The following DPH6 variants were observed in gnomAD, a reference collection of about 807,000 sequenced individuals.
DPH6 encodes the protein diphthine--ammonia ligase.
Under a neutral mutation model 38.2 loss-of-function variants are expected in DPH6, and 33 were observed. That is an observed-to-expected ratio of 0.86 (90% CI 0.65 to 1.15). DPH6 has a LOEUF of 1.15. Among genes scored for constraint, DPH6 ranks in the 50% most tolerant of loss-of-function variants. The probability of loss-of-function intolerance (pLI) is 0.00; values close to 1 mark genes in which losing one functional copy is unlikely to be tolerated. For missense variants in DPH6, 325 were observed against 320.0 expected, an observed-to-expected ratio of 1.02 and a Z score of -0.12; for synonymous variants, 108 against 103.0, an observed-to-expected ratio of 1.05 and a Z score of -0.30.
At chr15:35,490,854 A>C (rs1046262113) in intron 3 of DPH6, among the ~76,000 whole-genome samples, 3 of 152,078 alleles carry the variant, frequency 2.0e-5, no homozygotes, top group African/African-American at 4.8e-5. Context: ...AAAGAACAGA[A>C]GTTTATTCAG....
chr15:35,374,679 G>T (rs113000658), intron 7 of DPH6, among the ~76,000 whole-genome samples: 9 of 152,004 alleles, frequency 5.9e-5, no homozygotes, highest in African/African-American at 2.2e-4. Flanking sequence ...CATTAAAAAG[G>T]CTTCCATGAC....
At chr15:35,504,462 C>T (rs2141203132) in intron 3 of DPH6, among the ~76,000 whole-genome samples, 1 of 151,836 alleles carries the variant, frequency 6.6e-6, no homozygotes, top group Admixed American at 6.6e-5. Context: ...ATCTCTTTCT[C>T]TTCTTCTGTA....
At chr15:35,500,979 G>C (rs2054619181) in intron 3 of DPH6, among the ~76,000 whole-genome samples, 1 of 152,064 alleles carries the variant, frequency 6.6e-6, no homozygotes, top group Non-Finnish European at 1.5e-5. Context: ...GACCTCAGAT[G>C]ATCTACCCAC....
chr15:35,284,836 A>C (rs2051929858), intron 3 of DPH6, among the ~76,000 whole-genome samples: 1 of 115,898 alleles, frequency 8.6e-6, no homozygotes, highest in Admixed American at 1.2e-4. Flanking sequence ...TTTTTGAGAC[A>C]AGGCTTCATT....
Position 35,542,439 on chromosome 15 carries a change from G to A in DPH6, c.92C>T (p.Ala31Val). 1 of 1,574,246 alleles carries A rather than the reference G, an allele frequency of 6.4e-7. No individual in the cohort carries two copies. Residue 31 changes from alanine (A) to valine (V), a missense_variant, in exon 2 of 9, where the codon GCA (alanine) becomes GTA (valine). Physicochemically the swap from Ala to Val is moderately conservative, Grantham distance 64. Coordinates refer to ENST00000256538, the MANE Select transcript of DPH6 (RefSeq NM_080650.4). ...IAAGHQIVAL[A>V]NLRPAENQVG... Reference sequence around the variant, plus strand: ...TTGGTTTTCAGCTGGTCTTAGATTTGCTAAAGCAACGATCTGATGCCCAGC... The same window carrying A: ...TTGGTTTTCAGCTGGTCTTAGATTTACTAAAGCAACGATCTGATGCCCAGC...
chr15:35,186,163 T>C, the DPH6 span, among the ~76,000 whole-genome samples: 1 of 152,192 alleles, frequency 6.6e-6, no homozygotes, highest in African/African-American at 2.4e-5. Flanking sequence ...TACTATAACA[T>C]ATTTTAGGAG....
intron 2 of DPH6, among the ~76,000 whole-genome samples, chr15:35,542,091 G>GT: frequency 6.6e-6 from 1 of 152,074 alleles, no homozygotes; most frequent in Admixed American, 6.6e-5. Flanking sequence ...ATGTGGTGGG[G>GT]TAAAATGGTA....
chr15:35,540,239 C>G (rs1249226400), intron 2 of DPH6, among the ~76,000 whole-genome samples: 1 of 151,998 alleles, frequency 6.6e-6, no homozygotes, highest in Non-Finnish European at 1.5e-5. Flanking sequence ...CAAATAAAAC[C>G]AAAGGCTCCC....
rs548864083 is a variant in DPH6, at chr15:35,239,904, G to A, written n.201-19322C>T. Among the ~76,000 whole-genome samples, 103 of 130,270 alleles carry A rather than the reference G, an allele frequency of 7.9e-4. 15 individuals are homozygous for A. The highest frequency in any genetic ancestry group is 1.6e-3 in the African/African-American group (57 of 35,298). 85.5% of individuals were successfully genotyped at this position (130,270 alleles called of 152,430 possible). On this transcript the variant is annotated intron_variant and non_coding_transcript_variant, in intron 3 of 3. Coordinates refer to the DPH6 transcript ENST00000560386. ...CTGTGCCCCAATCCCTTATTTCCGC[G>A]CCCTAACCTCTTATCTCTGTGCCCC... is the stretch of plus-strand genomic sequence containing the variant.
rs1280764788 is a variant in DPH6 at position 35,240,161 on chromosome 15, G to A, written n.201-19579C>T. Among the ~76,000 whole-genome samples the A allele has an allele frequency of 3.4e-4, 48 of 141,966 alleles. 7 individuals carry two copies. The highest frequency in any genetic ancestry group is 7.1e-3 in the Middle Eastern group (2 of 282). 93.1% of individuals were successfully genotyped at this position (141,966 alleles called of 152,430 possible). On this transcript the variant is annotated intron_variant and non_coding_transcript_variant, in intron 3 of 3. Coordinates refer to the DPH6 transcript ENST00000560386. ...ATGCCTTATTTTCTTCTGCAATGCCGCTTGACCCCAATACAAACTCAACAG... is the reference window on the plus strand; with the variant it reads ...ATGCCTTATTTTCTTCTGCAATGCCACTTGACCCCAATACAAACTCAACAG...
chr15:35,431,969 C>T lies in DPH6; in HGVS notation c.505+18716G>A, dbSNP rs182479926. ...CACCCAGCTAATTTCACTTGGCAAA[C>T]TTTTGACAAATACCAATCAATACTT... On this transcript the variant is annotated intron_variant, in intron 5 of 8. Transcript: ENST00000256538. Among the ~76,000 whole-genome samples, 192 of 152,188 alleles carry T rather than the reference C, an allele frequency of 1.3e-3. 2 individuals are homozygous for T. Among genetic ancestry groups the T allele is most frequent in the African/African-American group, 4.4e-3 (184 of 41,542 alleles).
intron 3 of DPH6, among the ~76,000 whole-genome samples, chr15:35,228,858 T>A (rs1266813676): frequency 6.6e-6 from 1 of 152,178 alleles, no homozygotes; most frequent in Non-Finnish European, 1.5e-5. Flanking sequence ...TTTTAGCACT[T>A]TAAATATGTC....
the DPH6 span, among the ~76,000 whole-genome samples, chr15:35,173,480 C>G: frequency 2.6e-5 from 4 of 151,920 alleles, no homozygotes; most frequent in African/African-American, 9.7e-5. Flanking sequence ...CTGGTCTCCT[C>G]AACTCCAACC....
chr15:35,277,886 C>T (rs1425562389), intron 3 of DPH6, among the ~76,000 whole-genome samples: 1 of 152,122 alleles, frequency 6.6e-6, no homozygotes, highest in Non-Finnish European at 1.5e-5. Flanking sequence ...GGCCTGGCTG[C>T]TTCTAAGAGC....
intron 3 of DPH6, among the ~76,000 whole-genome samples, chr15:35,456,206 T>C (rs982728481): frequency 6.6e-6 from 1 of 152,082 alleles, no homozygotes; most frequent in African/African-American, 2.4e-5. Context: ...AAAGTCTTTG[T>C]ATTCATTAGA....
At chr15:35,327,449 C>A (rs890761612), downstream of DPH6, among the ~76,000 whole-genome samples, 2 of 151,432 alleles carry the variant, frequency 1.3e-5, no homozygotes, top group African/African-American at 4.9e-5. Context: ...GGGTTCACAC[C>A]ATTCTCCTGC....
chr15:35,389,618 T>C (rs1222428430), intron 6 of DPH6, among the ~76,000 whole-genome samples: 3 of 152,232 alleles, frequency 2.0e-5, no homozygotes, highest in Non-Finnish European at 4.4e-5. Context: ...TCTCTTTCGA[T>C]CTTTGTTGGT....
the DPH6 span, among the ~76,000 whole-genome samples, chr15:35,174,875 C>A: frequency 6.6e-6 from 1 of 152,122 alleles, no homozygotes; most frequent in Non-Finnish European, 1.5e-5. Flanking sequence ...TCCACAATTC[C>A]TTTGCAAAAC....
intron 3 of DPH6, among the ~76,000 whole-genome samples, chr15:35,278,207 C>T (rs2051872166): frequency 6.6e-6 from 1 of 152,166 alleles, no homozygotes; most frequent in Non-Finnish European, 1.5e-5. Context: ...ACACTGCTGC[C>T]CTGCTCAGCC....
Sources: gnomAD v4.1 joint callset for allele counts (sites outside exome capture counted in the v4.1 genomes callset) on GRCh38, gnomAD v4.1.1 for gene constraint, MANE v1.5 for transcripts, NCBI Gene and HGNC (gene_info 2026-07-23, HGNC 2026-07-21) for gene names.